CNTN5: variants seen among roughly 807,000 people sequenced by gnomAD.
The protein encoded by CNTN5 is contactin-5.
In CNTN5, 77 loss-of-function variants were observed where a neutral mutation model predicts 129.1. The observed-to-expected ratio is 0.60, with a 90% CI of 0.50 to 0.72. The LOEUF is 0.72. Among genes scored for constraint, CNTN5 ranks in the 30% least tolerant of loss-of-function variants. CNTN5 has a pLI of 0.00. For synonymous variants in CNTN5, 509 were observed against 465.6 expected (o/e 1.09, Z -1.20); for missense variants, 1,478 against 1,328.8 (o/e 1.11, Z -1.75).
chr11:99,758,241 T>C (rs10893843), intron 3 of CNTN5, among the ~76,000 whole-genome samples: 20,203 of 151,988 alleles, frequency 0.13, 2,245 homozygotes, highest in East Asian at 0.58. Context: ...TTTTGCTCCT[T>C]GTAAGTTTCT....
At chr11:100,117,110 A>G (rs1031191805) in intron 13 of CNTN5, among the ~76,000 whole-genome samples, 20 of 152,042 alleles carry the variant, frequency 1.3e-4, no homozygotes, top group African/African-American at 2.4e-5. Context: ...AAATAAGCAT[A>G]TGTTTCTTTT....
At chr11:99,849,803 C>T (rs188438999) in intron 6 of CNTN5, among the ~76,000 whole-genome samples, 160 of 152,200 alleles carry the variant, frequency 1.1e-3, no homozygotes, top group Non-Finnish European at 1.8e-3. Context: ...AATGTAAATT[C>T]ATTTTTCAGA....
At chr11:99,516,028 T>C (rs1947038046) in intron 2 of CNTN5, among the ~76,000 whole-genome samples, 1 of 151,890 alleles carries the variant, frequency 6.6e-6, no homozygotes. Flanking sequence ...TCTGACCGCT[T>C]ACCCTACACT....
In CNTN5 at chr11:99,564,978, A is replaced by G. The variant is rs376748311; in HGVS notation, c.55+8709A>G. Among the ~76,000 whole-genome samples the G allele has an allele frequency of 2.2e-4, 34 of 152,240 alleles. No homozygotes were observed. The East Asian group carries it at 4.1e-3, about 18-fold the overall frequency. On this transcript the variant is annotated intron_variant, in intron 3 of 24. Transcript: ENST00000524871. ...TTAACTATCATATTCTTTTTAGACTATGGCCAGTAATTATTCTAATTTCTT... is the reference window on the plus strand; with the variant it reads ...TTAACTATCATATTCTTTTTAGACTGTGGCCAGTAATTATTCTAATTTCTT...
At chr11:99,677,841 A>G (rs554451942) in intron 3 of CNTN5, among the ~76,000 whole-genome samples, 5 of 152,202 alleles carry the variant, frequency 3.3e-5, no homozygotes, top group Admixed American at 6.5e-5. Context: ...TCCATTTATC[A>G]TCAACCTCAT....
intron 13 of CNTN5, among the ~76,000 whole-genome samples, chr11:100,143,163 A>G (rs1946747719): frequency 6.6e-6 from 1 of 152,210 alleles, no homozygotes; most frequent in East Asian, 1.9e-4. Flanking sequence ...CATACAATGT[A>G]ATATGTATGA....
At chr11:99,996,937 G>T (rs1209288677) in intron 8 of CNTN5, among the ~76,000 whole-genome samples, 1 of 152,064 alleles carries the variant, frequency 6.6e-6, no homozygotes, top group Non-Finnish European at 1.5e-5. Flanking sequence ...TTGGCATGTG[G>T]GGATTACCAT....
At chr11:99,630,876 A>G (rs1468583796) in intron 3 of CNTN5, among the ~76,000 whole-genome samples, 5 of 152,098 alleles carry the variant, frequency 3.3e-5, no homozygotes, top group Non-Finnish European at 5.9e-5. Context: ...AATTAGCTTT[A>G]TTACTTCCTG....
At chr11:99,634,674 C>T (rs191487689) in intron 3 of CNTN5, among the ~76,000 whole-genome samples, 3 of 152,274 alleles carry the variant, frequency 2.0e-5, no homozygotes, top group Admixed American at 2.0e-4. Context: ...AAAGCACCCT[C>T]CCTCTGTCAA....
At chr11:99,815,957 G>T in intron 3 of CNTN5, among the ~76,000 whole-genome samples, 1 of 151,790 alleles carries the variant, frequency 6.6e-6, no homozygotes, top group East Asian at 1.9e-4. Flanking sequence ...TCCCTCACCG[G>T]GTTAGAGTCC....
intron 9 of CNTN5, among the ~76,000 whole-genome samples, chr11:100,023,204 A>G (rs1027648301): frequency 6.6e-6 from 1 of 152,106 alleles, no homozygotes; most frequent in Non-Finnish European, 1.5e-5. Context: ...TTGTCTTTGT[A>G]TGTTTCACCT....
chr11:100,148,936 T>C (rs777347271), intron 13 of CNTN5, among the ~76,000 whole-genome samples: 4 of 152,160 alleles, frequency 2.6e-5, no homozygotes, highest in Non-Finnish European at 2.9e-5. Flanking sequence ...AGTACTGAAT[T>C]TATAATTCTT....
chr11:99,840,021 C>T (rs1196699028), intron 4 of CNTN5, among the ~76,000 whole-genome samples: 2 of 151,976 alleles, frequency 1.3e-5, no homozygotes, highest in South Asian at 2.1e-4. Flanking sequence ...GATGACTACA[C>T]CAAGACATAT....
intron 3 of CNTN5, among the ~76,000 whole-genome samples, chr11:99,764,988 T>A (rs1032335326): frequency 6.6e-6 from 1 of 152,134 alleles, no homozygotes; most frequent in Non-Finnish European, 1.5e-5. Flanking sequence ...CACATATATC[T>A]ACTGTATCAA....
At chr11:99,931,227 G>A (rs969913168) in intron 7 of CNTN5, among the ~76,000 whole-genome samples, 2 of 151,932 alleles carry the variant, frequency 1.3e-5, no homozygotes, top group African/African-American at 4.8e-5. Flanking sequence ...TGCTTTTCCT[G>A]TACTTAATTG....
chr11:100,057,216 T>C (rs1943271836), intron 9 of CNTN5, among the ~76,000 whole-genome samples: 1 of 148,008 alleles, frequency 6.8e-6, no homozygotes, highest in Non-Finnish European at 1.5e-5. Flanking sequence ...ATACATTATA[T>C]ATAAAGTATA....
At chr11:99,384,585 AG>A (rs1324802400) in intron 2 of CNTN5, among the ~76,000 whole-genome samples, 2 of 152,168 alleles carry the variant, frequency 1.3e-5, no homozygotes, top group Non-Finnish European at 2.9e-5. Context: ...AGTGCATCCA[AG>A]TTCTATAAAC....
chr11:99,854,364 C>T (rs1427990306), intron 6 of CNTN5, among the ~76,000 whole-genome samples: 1 of 152,134 alleles, frequency 6.6e-6, no homozygotes, highest in African/African-American at 2.4e-5. Context: ...ATACAGAGGA[C>T]ACCAAAGAAT....
chr11:100,093,063 T>C (rs1407995858), intron 13 of CNTN5, among the ~76,000 whole-genome samples: 1 of 152,080 alleles, frequency 6.6e-6, no homozygotes, highest in Non-Finnish European at 1.5e-5. Flanking sequence ...AGTATCTGCC[T>C]CCTCTCTCAA....
Sources: allele counts gnomAD v4.1 joint callset (sites outside exome capture counted in the v4.1 genomes callset), GRCh38; gene constraint gnomAD v4.1.1; transcripts MANE v1.5; gene names NCBI Gene and HGNC (gene_info 2026-07-23, HGNC 2026-07-21).